The following SEMA5B variants were observed in gnomAD, a reference collection of about 807,000 sequenced individuals.
The protein encoded by SEMA5B is semaphorin 5B.
In SEMA5B, 66 loss-of-function variants were observed where a neutral mutation model predicts 135.0. The observed-to-expected ratio is 0.49, with a 90% CI of 0.40 to 0.60. The LOEUF is 0.60. Ranked by LOEUF, SEMA5B falls within the 20% of genes least tolerant of loss-of-function variation. The probability of loss-of-function intolerance (pLI) is 0.00; values close to 1 mark genes in which losing one functional copy is unlikely to be tolerated. For synonymous variants in SEMA5B, 690 were observed against 639.5 expected, an observed-to-expected ratio of 1.08 and a Z score of -1.19; for missense variants, 1,501 against 1,566.3, an observed-to-expected ratio of 0.96 and a Z score of 0.70.
At chr3:122,932,149 A>G (rs570396953) in intron 5 of SEMA5B, among the ~76,000 whole-genome samples, 1 of 150,714 alleles carries the variant, frequency 6.6e-6, no homozygotes, top group South Asian at 2.1e-4. Context: ...GGACTGAATA[A>G]TTGTCTTGAT....
chr3:122,954,005 T>C (rs1448521394), intron 2 of SEMA5B, among the ~76,000 whole-genome samples: 1 of 152,246 alleles, frequency 6.6e-6, no homozygotes, highest in African/African-American at 2.4e-5. Context: ...TCAGTCTTTA[T>C]AGAGGAAACT....
At chr3:122,933,003 A>G (rs1939061801) in intron 5 of SEMA5B, among the ~76,000 whole-genome samples, 1 of 152,108 alleles carries the variant, frequency 6.6e-6, no homozygotes, top group Admixed American at 6.5e-5. Context: ...TCTAGGTGTA[A>G]GCCACCATGC....
At chr3:122,991,551 A>C (rs1401144909) in intron 1 of SEMA5B, among the ~76,000 whole-genome samples, 1 of 152,226 alleles carries the variant, frequency 6.6e-6, no homozygotes, top group Non-Finnish European at 1.5e-5. Flanking sequence ...CGCCACATCA[A>C]GAATTATCCA....
At position 123,026,838 on chromosome 3, in the gene SEMA5B, C is replaced by A. The variant is rs1417660392; in HGVS notation, c.-39+626G>T. 2.0e-5 allele frequency among the ~76,000 whole-genome samples: 3 copies of A among 152,222 alleles called. No individual in the cohort carries two copies. In the East Asian group the frequency reaches 5.8e-4, roughly 29 times the overall value. ...CTCTCCACCCTCCCAGCCGGGAGTG[C>A]GGGGCCCTGAGCCACTGCCCCTGGA... is the stretch of plus-strand genomic sequence containing the variant. On this transcript the variant is annotated intron_variant, in intron 1 of 22. Transcript: ENST00000357599.
intron 2 of SEMA5B, among the ~76,000 whole-genome samples, chr3:122,951,774 G>A (rs1258950106): frequency 2.6e-5 from 4 of 152,222 alleles, no homozygotes; most frequent in Non-Finnish European, 5.9e-5. Flanking sequence ...GCAGCTCCCA[G>A]GGTAGAAGCT....
intron 12 of SEMA5B, 47 bp from the exon 13 acceptor site, chr3:122,915,937 T>C: frequency 7.0e-7 from 1 of 1,427,300 alleles, no homozygotes; most frequent in Non-Finnish European, 9.9e-7. Flanking sequence ...CTTCCCAGCC[T>C]CACCTGCATC....
chr3:122,963,298 A>G (rs954357964), intron 1 of SEMA5B, among the ~76,000 whole-genome samples: 24 of 152,216 alleles, frequency 1.6e-4, no homozygotes, highest in African/African-American at 5.8e-4. Context: ...GGAGTTCGAG[A>G]CCAGCCTGAC....
rs1241271462 is a variant in SEMA5B, at chr3:122,910,564, C to T, written c.3298-263G>A. Reference sequence around the variant, plus strand: ...GTGGCTCACGCCTGTAATCCCAGCACTTTGGGAGGCCGAGGCGGGCGGATC... The same window carrying T: ...GTGGCTCACGCCTGTAATCCCAGCATTTTGGGAGGCCGAGGCGGGCGGATC... On this transcript the variant is annotated intron_variant, in intron 22 of 22. Coordinates refer to ENST00000357599, the MANE Select transcript of SEMA5B (RefSeq NM_001031702.4). Among the ~76,000 whole-genome samples the T allele has an allele frequency of 3.3e-5, 5 of 152,254 alleles. No homozygotes were observed. The South Asian group carries it at 6.2e-4, about 19-fold the overall frequency.
chr3:122,929,109 C>T (rs959748600), intron 5 of SEMA5B, 51 bp from the exon 6 acceptor site: 5 of 1,547,522 alleles, frequency 3.2e-6, no homozygotes, highest in Admixed American at 1.7e-5. Context: ...GTGTCATTTA[C>T]TGCCACTCAC....
At chr3:122,946,353 T>C (rs534446994) in intron 3 of SEMA5B, among the ~76,000 whole-genome samples, 16 of 152,112 alleles carry the variant, frequency 1.1e-4, no homozygotes, top group African/African-American at 3.9e-4. Flanking sequence ...GCAGCTCCTC[T>C]AGGGTATTTA....
intron 1 of SEMA5B, among the ~76,000 whole-genome samples, chr3:123,012,580 G>A (rs1173340119): frequency 6.6e-6 from 1 of 152,224 alleles, no homozygotes; most frequent in Non-Finnish European, 1.5e-5. Flanking sequence ...AGTTAGCCCA[G>A]TGTGACAATC....
At chr3:122,985,327 T>C (rs1941665304) in intron 1 of SEMA5B, among the ~76,000 whole-genome samples, 1 of 152,100 alleles carries the variant, frequency 6.6e-6, no homozygotes, top group African/African-American at 2.4e-5. Flanking sequence ...ACCCTGTCTC[T>C]AAATTAAAAA....
intron 18 of SEMA5B, among the ~76,000 whole-genome samples, chr3:122,912,606 T>G (rs1284951648): frequency 1.4e-5 from 2 of 145,320 alleles, no homozygotes; most frequent in Non-Finnish European, 3.0e-5. Flanking sequence ...TCTAACTCAC[T>G]AAGAAAGGTG....
At chr3:122,978,235 C>A (rs928300693) in intron 1 of SEMA5B, among the ~76,000 whole-genome samples, 3 of 152,244 alleles carry the variant, frequency 2.0e-5, no homozygotes, top group South Asian at 2.1e-4. Context: ...CTGTCCCATG[C>A]GAGTCGGTGG....
intron 2 of SEMA5B, among the ~76,000 whole-genome samples, chr3:122,954,381 C>T (rs1325801633): frequency 2.0e-5 from 3 of 152,244 alleles, no homozygotes; most frequent in African/African-American, 7.2e-5. Flanking sequence ...CACTCCCAGA[C>T]CCTTGTAATA....
Position 122,913,636 on chromosome 3 carries a change from A to G in SEMA5B, c.2178T>C (p.Ala726=). The G allele has an allele frequency of 6.2e-7, 1 of 1,613,598 alleles. No individual in the cohort carries two copies. Among genetic ancestry groups the G allele is most frequent in the Non-Finnish European group, 8.5e-7 (1 of 1,179,978 alleles). Residue 726 remains alanine, a synonymous_variant, in exon 16 of 23, where the codon GCT becomes GCC. Coordinates refer to ENST00000357599, the MANE Select transcript of SEMA5B (RefSeq NM_001031702.4). ...TGCACTTGCTCCAGGAGCCCCAGGA[A>G]GCCCAGAAGATGGGCACCGGGCAAG... ...NTPCPVPIFW[A]SWGSWSKCSS...
intron 2 of SEMA5B, among the ~76,000 whole-genome samples, chr3:122,952,597 G>T (rs913075569): frequency 2.0e-5 from 3 of 152,218 alleles, no homozygotes; most frequent in Admixed American, 6.5e-5. Flanking sequence ...CTGAGTGATC[G>T]ACTAGCATGA....
At chr3:123,006,015 G>A (rs1942300183) in intron 1 of SEMA5B, among the ~76,000 whole-genome samples, 1 of 152,210 alleles carries the variant, frequency 6.6e-6, no homozygotes, top group South Asian at 2.1e-4. Context: ...TCCTGAGATG[G>A]ATAATGCTTG....
At chr3:122,997,303 C>A (rs990767345) in intron 1 of SEMA5B, among the ~76,000 whole-genome samples, 1 of 152,130 alleles carries the variant, frequency 6.6e-6, no homozygotes, top group African/African-American at 2.4e-5. Flanking sequence ...CCTCCCCTCT[C>A]CTCAGCCTCC....
Sources: gnomAD v4.1 joint callset for allele counts (sites outside exome capture counted in the v4.1 genomes callset) on GRCh38, gnomAD v4.1.1 for gene constraint, MANE v1.5 for transcripts, NCBI Gene and HGNC (gene_info 2026-07-23, HGNC 2026-07-21) for gene names.